CCDC146: variants seen among roughly 807,000 people sequenced by gnomAD.
CCDC146 encodes coiled-coil domain-containing protein 146.
In CCDC146, 92 loss-of-function variants were observed where a neutral mutation model predicts 119.3. That is an observed-to-expected ratio of 0.77 (90% CI 0.65 to 0.92). The LOEUF (loss-of-function observed/expected upper bound fraction) is 0.92, where lower values mean the gene tolerates loss of function less well. CCDC146 is among the 40% of genes least tolerant of loss of function. CCDC146 has a pLI of 0.00. For synonymous variants in CCDC146, 372 were observed against 371.8 expected (o/e 1.00, Z -0.01); for missense variants, 1,000 against 1,103.0 (o/e 0.91, Z 1.32).
At chr7:77,160,431 C>T (rs1791243785) in intron 1 of CCDC146, among the ~76,000 whole-genome samples, 1 of 152,002 alleles carries the variant, frequency 6.6e-6, no homozygotes, top group African/African-American at 2.4e-5. Context: ...TGTTTGTATC[C>T]TCTTTTATTT....
intron 1 of CCDC146, among the ~76,000 whole-genome samples, chr7:77,124,933 C>T (rs1790671962): frequency 6.6e-6 from 1 of 152,086 alleles, no homozygotes; most frequent in African/African-American, 2.4e-5. Context: ...TGGCTCATGC[C>T]TGTAATTTCA....
At chr7:77,133,017 T>C (rs1790807985) in intron 1 of CCDC146, among the ~76,000 whole-genome samples, 2 of 151,612 alleles carry the variant, frequency 1.3e-5, no homozygotes, top group Non-Finnish European at 2.9e-5. Context: ...ACTAAAAATA[T>C]AAAATTAGCC....
At chr7:77,129,700 C>T (rs1790754533) in intron 1 of CCDC146, among the ~76,000 whole-genome samples, 1 of 151,914 alleles carries the variant, frequency 6.6e-6, no homozygotes. Flanking sequence ...CCATTGAACC[C>T]CCCCAGCGAA....
At chr7:77,176,994 C>G (rs1007916702) in intron 2 of CCDC146, among the ~76,000 whole-genome samples, 1 of 151,910 alleles carries the variant, frequency 6.6e-6, no homozygotes, top group African/African-American at 2.4e-5. Flanking sequence ...TAACACCAGG[C>G]CTGGCTGATT....
chr7:77,189,286 C>T (rs1014761548), intron 2 of CCDC146, among the ~76,000 whole-genome samples: 5 of 152,146 alleles, frequency 3.3e-5, no homozygotes, highest in African/African-American at 4.8e-5. Context: ...TAAAATCTTG[C>T]GGTTTTCTAT....
chr7:77,289,439 C>A (rs775234919), intron 17 of CCDC146, among the ~76,000 whole-genome samples: 1 of 152,178 alleles, frequency 6.6e-6, no homozygotes, highest in Non-Finnish European at 1.5e-5. Context: ...CTTTCACTGT[C>A]CCCACTCCAT....
At chr7:77,284,114 G>A (rs1181690809) in intron 15 of CCDC146, among the ~76,000 whole-genome samples, 2 of 152,108 alleles carry the variant, frequency 1.3e-5, no homozygotes, top group African/African-American at 2.4e-5. Flanking sequence ...GCAAAGGCAC[G>A]GAACTCACCC....
rs1400808509 is a variant in CCDC146, at chr7:77,188,583, C to T, written c.156+20759C>T. Among the ~76,000 whole-genome samples, 3 of 152,182 alleles carry T rather than the reference C, an allele frequency of 2.0e-5. No individual in the cohort carries two copies. The East Asian group carries it at 5.8e-4, about 29-fold the overall frequency. Reference sequence around the variant, plus strand: ...GGTACACACACACGCACTGTAATTACATCACAACACCCCACTCTCCTAAGG... The same window carrying T: ...GGTACACACACACGCACTGTAATTATATCACAACACCCCACTCTCCTAAGG... On this transcript the variant is annotated intron_variant, in intron 2 of 18. Coordinates refer to ENST00000285871, the MANE Select transcript of CCDC146 (RefSeq NM_020879.3).
intron 2 of CCDC146, among the ~76,000 whole-genome samples, chr7:77,223,617 C>T (rs1792447815): frequency 6.6e-6 from 1 of 152,266 alleles, no homozygotes; most frequent in African/African-American, 2.4e-5. Flanking sequence ...TTACCTTGCT[C>T]TGCTCCATCT....
At chr7:77,165,728 C>T (rs1442536215) in intron 1 of CCDC146, among the ~76,000 whole-genome samples, 4 of 152,238 alleles carry the variant, frequency 2.6e-5, no homozygotes, top group Admixed American at 2.0e-4. Flanking sequence ...CAGCATCTGT[C>T]TCTGTGGTAT....
intron 2 of CCDC146, among the ~76,000 whole-genome samples, chr7:77,181,257 G>T (rs1791582169): frequency 6.6e-6 from 1 of 152,164 alleles, no homozygotes; most frequent in Non-Finnish European, 1.5e-5. Flanking sequence ...GCAGGCTTAG[G>T]ATTGGCTAGT....
In CCDC146 at chr7:77,275,295, T is replaced by A. The variant is rs895913096; in HGVS notation, c.1440+643T>A. ...CTTGGATTTTTGTATTCTCAAAGGG[T>A]CCTGGAACCAGTTCCCTATGTATAC... On this transcript the variant is annotated intron_variant, in intron 11 of 18. Transcript: ENST00000285871. Among the ~76,000 whole-genome samples the A allele has an allele frequency of 3.3e-5, 5 of 152,266 alleles. No individual in the cohort carries two copies. In the South Asian group the frequency reaches 1.0e-3, roughly 32 times the overall value.
At chr7:77,271,190 A>T (rs1458505806) in intron 9 of CCDC146, among the ~76,000 whole-genome samples, 1 of 151,996 alleles carries the variant, frequency 6.6e-6, no homozygotes, top group African/African-American at 2.4e-5. Context: ...CCTTTGAGTC[A>T]GTGGGCTGGG....
chr7:77,125,956 A>T (rs1407495862), intron 1 of CCDC146, among the ~76,000 whole-genome samples: 2 of 152,102 alleles, frequency 1.3e-5, no homozygotes, highest in African/African-American at 4.8e-5. Context: ...TCTCATCTGT[A>T]TGGCTTTTCT....
At chr7:77,135,153 T>C (rs930998283) in intron 1 of CCDC146, among the ~76,000 whole-genome samples, 8 of 152,250 alleles carry the variant, frequency 5.3e-5, no homozygotes, top group African/African-American at 1.9e-4. Flanking sequence ...ATAGCCCGCA[T>C]TTATTTCAGT....
chr7:77,248,239 A>C (rs568826073), intron 4 of CCDC146, among the ~76,000 whole-genome samples: 3 of 152,320 alleles, frequency 2.0e-5, no homozygotes, highest in African/African-American at 7.2e-5. Flanking sequence ...GTGGACGTAG[A>C]GTGTGGACTA....
In CCDC146 at chr7:77,196,668, C is replaced by T. The variant is rs370416718; in HGVS notation, c.156+28844C>T. Reference sequence around the variant, plus strand: ...AACTGATCATACAAGGCATATAGTTCGACACCATTAAAGTCTTCAAGATCT... The same window carrying T: ...AACTGATCATACAAGGCATATAGTTTGACACCATTAAAGTCTTCAAGATCT... On this transcript the variant is annotated intron_variant, in intron 2 of 18. Coordinates refer to ENST00000285871, the MANE Select transcript of CCDC146 (RefSeq NM_020879.3). The surrounding 1 kb of genome is among the most constrained non-coding windows in gnomAD (Gnocchi z 4.2). The T allele has an allele frequency of 3.4e-5, 55 of 1,613,972 alleles. No individual in the cohort carries two copies. Among genetic ancestry groups the T allele is most frequent in the African/African-American group, 1.6e-4 (12 of 74,906 alleles).
chr7:77,162,205 C>G (rs1331136432), intron 1 of CCDC146, among the ~76,000 whole-genome samples: 2 of 151,994 alleles, frequency 1.3e-5, no homozygotes, highest in East Asian at 3.9e-4. Context: ...GGTGTCATAT[C>G]CAAAATATAA....
chr7:77,266,092 C>T (rs1368980835), intron 9 of CCDC146, among the ~76,000 whole-genome samples: 1 of 152,134 alleles, frequency 6.6e-6, no homozygotes, highest in African/African-American at 2.4e-5. Flanking sequence ...AACCATGATT[C>T]CTAGGATTTT....
Sources: allele counts gnomAD v4.1 joint callset (sites outside exome capture counted in the v4.1 genomes callset), GRCh38; gene constraint gnomAD v4.1.1; non-coding constraint Gnocchi (gnomAD v3.1); transcripts MANE v1.5; gene names NCBI Gene and HGNC (gene_info 2026-07-23, HGNC 2026-07-21).